Variants in MYO1G observed in about 807,000 individuals in gnomAD.
The protein encoded by MYO1G is myosin IG.
Under a neutral mutation model 115.3 loss-of-function variants are expected in MYO1G, and 65 were observed. That is an observed-to-expected ratio of 0.56 (90% CI 0.46 to 0.69). The LOEUF (loss-of-function observed/expected upper bound fraction) is 0.69. Ranked by LOEUF, MYO1G falls within the 30% of genes least tolerant of loss-of-function variation. The pLI, the probability that MYO1G is intolerant of heterozygous loss-of-function variation, is 0.00. For missense variants in MYO1G, 1,204 were observed against 1,393.5 expected, an observed-to-expected ratio of 0.86 and a Z score of 2.16; for synonymous variants, 510 against 552.6, an observed-to-expected ratio of 0.92 and a Z score of 1.08.
At chr7:44,973,218 C>T (rs1359923511) in intron 5 of MYO1G, 3 of 151,278 alleles carry the variant, frequency 2.0e-5, no homozygotes, top group Non-Finnish European at 4.4e-5. Context: ...CTCAGGGAAG[C>T]TCAGAGTTCT....
In MYO1G at chr7:44,963,504, A is replaced by G; in HGVS notation, c.2746-380T>C. Reference sequence around the variant, plus strand: ...CGCCGGCTTTGGGCTGTGGCATTACACAGCAAGGCACTCACCGCCCTTTCT... The same window carrying G: ...CGCCGGCTTTGGGCTGTGGCATTACGCAGCAAGGCACTCACCGCCCTTTCT... On this transcript the variant is annotated intron_variant, in intron 20 of 21. Transcript: ENST00000258787. This position sits in a 1 kb window ranked among gnomAD's most constrained non-coding sequence, Gnocchi z 4.1. 1 of 235,606 alleles carries G rather than the reference A, an allele frequency of 4.2e-6. No individual in the cohort carries two copies. Among genetic ancestry groups the G allele is most frequent in the Non-Finnish European group, 8.2e-6 (1 of 122,414 alleles). The allele number at this position is 235,606 out of a possible 1,614,324, so 14.6% of individuals were successfully genotyped here.
chr7:44,972,893 T>A (rs1794984960), intron 5 of MYO1G: 1 of 151,890 alleles, frequency 6.6e-6, no homozygotes, highest in African/African-American at 2.4e-5. Flanking sequence ...GGTAAGAGTC[T>A]GTGGAGATCC....
In MYO1G at chr7:44,969,476, G is replaced by C; in HGVS notation, c.1511C>G (p.Pro504Arg). The change falls in exon 12 of 22, where the codon CCC becomes CGC. Residue 504 changes from proline (P) to arginine (R), a missense_variant. Coordinates refer to ENST00000258787, the MANE Select transcript of MYO1G (RefSeq NM_033054.3). This position sits in a 1 kb window ranked among gnomAD's most constrained non-coding sequence, Gnocchi z 5.0. ...GCCAAACTCCATGGTCTTGTCTGTG[G>C]GGCAGAGCTATGGGGACAGGCTGAG... ...HLHYTSRQLC[P>R]TDKTMEFGRD... 6.2e-7 allele frequency: 1 copy of C among 1,613,872 alleles called. No homozygotes were observed. The highest frequency in any genetic ancestry group is 8.5e-7 in the Non-Finnish European group (1 of 1,179,996).
intron 7 of MYO1G, 62 bp downstream of exon 7, chr7:44,971,611 G>T: frequency 8.0e-7 from 1 of 1,247,496 alleles, no homozygotes; most frequent in Non-Finnish European, 1.1e-6. Context: ...ATCCCTGGGT[G>T]CTTCCCAGCC....
intron 1 of MYO1G, 58 bp downstream of exon 1, chr7:44,978,809 G>A (rs1795129719): frequency 5.3e-6 from 8 of 1,519,666 alleles, no homozygotes; most frequent in Non-Finnish European, 7.3e-6. Context: ...GTCTCTGCGA[G>A]GACGCAAGGT....
intron 5 of MYO1G, chr7:44,974,776 G>A (rs1342095015): frequency 4.0e-6 from 1 of 249,970 alleles, no homozygotes; most frequent in Non-Finnish European, 8.1e-6. Flanking sequence ...TCTCACAGAG[G>A]TGCTCAGAGT....
At chr7:44,978,024 T>C (rs1265690261) in intron 1 of MYO1G, among the ~76,000 whole-genome samples, 1 of 152,200 alleles carries the variant, frequency 6.6e-6, no homozygotes, top group Non-Finnish European at 1.5e-5. Flanking sequence ...GGTAGAACAA[T>C]GTGCACAAAG....
intron 13 of MYO1G, 31 bp downstream of exon 13, chr7:44,967,853 C>T (rs775170383): frequency 6.2e-7 from 1 of 1,613,532 alleles, no homozygotes; most frequent in Non-Finnish European, 8.5e-7. Context: ...GGCCCTGGCC[C>T]TCCCTATGGT....
In MYO1G at chr7:44,969,938, C is replaced by T. The variant is rs541401792; in HGVS notation, c.1333-63G>A. 3 of 1,587,032 alleles carry T rather than the reference C, an allele frequency of 1.9e-6. No homozygotes were observed. In the South Asian group the frequency reaches 3.4e-5, roughly 18 times the overall value. Reference sequence around the variant, plus strand: ...CTTTCAGGCCACCTCCCCTCCTCCGCCCCACACTCAGCCACCTGTCAGGCC... The same window carrying T: ...CTTTCAGGCCACCTCCCCTCCTCCGTCCCACACTCAGCCACCTGTCAGGCC... On this transcript the variant is annotated intron_variant, in intron 10 of 21. Coordinates refer to ENST00000258787, the MANE Select transcript of MYO1G (RefSeq NM_033054.3). This position sits in a 1 kb window ranked among gnomAD's most constrained non-coding sequence, Gnocchi z 5.0.
intron 6 of MYO1G, 60 bp from the exon 7 acceptor site, chr7:44,971,849 T>C: frequency 1.5e-6 from 2 of 1,295,524 alleles, no homozygotes; most frequent in Non-Finnish European, 2.2e-6. Flanking sequence ...CCTGTCTCCC[T>C]TGAGGCTTGA....
chr7:44,964,108 G>T lies in MYO1G; in HGVS notation c.2686C>A (p.Leu896Ile). Residue 896 changes from leucine (L) to isoleucine (I), a missense_variant, in exon 20 of 22, where the codon CTC (leucine) becomes ATC (isoleucine). Coordinates refer to ENST00000258787, the MANE Select transcript of MYO1G (RefSeq NM_033054.3). This position sits in a 1 kb window ranked among gnomAD's most constrained non-coding sequence, Gnocchi z 5.1. ...TGCCGGTCAGGGTCCAGCTTGTAGA[G>T]GTGCTGGTCTGTGAGCAGGAGGGCC... ...NRALLLTDQHLYKLDPDRQYR... is the reference protein window; with the variant it reads ...NRALLLTDQHIYKLDPDRQYR... 6.2e-7 allele frequency: 1 copy of T among 1,607,500 alleles called. No homozygotes were observed. The highest frequency in any genetic ancestry group is 8.5e-7 in the Non-Finnish European group (1 of 1,177,154).
intron 3 of MYO1G, 52 bp from the exon 4 acceptor site, chr7:44,975,701 A>ATGCTGGGGAATGTAAGAAG (rs768573462): frequency 4.9e-5 from 74 of 1,506,952 alleles, no homozygotes; most frequent in Non-Finnish European, 6.1e-5. Context: ...CATCTGGGGA[A>ATGCTGGGGAATGTAAGAAG]TGCTGTCTCT....
In MYO1G at chr7:44,969,895, C is replaced by CA. The variant is rs762511081; in HGVS notation, c.1333-21dup. 9.3e-5 allele frequency: 148 copies of CA among 1,593,534 alleles called. No individual in the cohort carries two copies. The highest frequency in any genetic ancestry group is 1.2e-4 in the Admixed American group (7 of 58,896). ...CTCAACCTGGGGCAAAGGCAGCCAG[C>CA]AAGGAAGCTCCCAAGGTCTTTCAGG... On this transcript the variant is annotated intron_variant, in intron 10 of 21. Coordinates refer to ENST00000258787, the MANE Select transcript of MYO1G (RefSeq NM_033054.3). The surrounding 1 kb of genome is among the most constrained non-coding windows in gnomAD (Gnocchi z 5.0).
At chr7:44,967,804 G>T in intron 13 of MYO1G, 67 bp from the exon 14 acceptor site, 2 of 1,611,766 alleles carry the variant, frequency 1.2e-6, no homozygotes, top group Non-Finnish European at 1.7e-6. Context: ...ACGTCCTGAC[G>T]CTAGTCAATG....
Position 44,966,644 on chromosome 7 carries a change from T to A in MYO1G, c.1949+28A>T. 1 of 1,612,552 alleles carries A rather than the reference T, an allele frequency of 6.2e-7. No homozygotes were observed. Among genetic ancestry groups the A allele is most frequent in the Non-Finnish European group, 8.5e-7 (1 of 1,179,830 alleles). On this transcript the variant is annotated intron_variant, in intron 15 of 21. Transcript: ENST00000258787. The surrounding 1 kb of genome is among the most constrained non-coding windows in gnomAD (Gnocchi z 5.0). ...GACTCCACACAGGGACTATGGCCCA[T>A]GGAGTGATGGGTGTCAGGTGCCAGT...
intron 5 of MYO1G, 165 bp downstream of exon 5, chr7:44,975,009 T>A (rs1294729521): frequency 2.7e-6 from 2 of 731,182 alleles, no homozygotes; most frequent in Non-Finnish European, 2.5e-6. Flanking sequence ...TGTGGGGTAC[T>A]GGTTGGGGTG....
At chr7:44,970,464 T>TTGGGCCCAGGGACCA (rs1183978156) in intron 9 of MYO1G, 128 bp downstream of exon 9, 4 of 1,293,028 alleles carry the variant, frequency 3.1e-6, no homozygotes, top group African/African-American at 1.5e-5. Context: ...GGCATGAGCC[T>TTGGGCCCAGGGACCA]TGGGCCCAGG....
chr7:44,975,584 C>T lies in MYO1G; in HGVS notation c.464G>A (p.Arg155His), dbSNP rs764134145. 1.1e-5 allele frequency: 18 copies of T among 1,613,838 alleles called. No individual in the cohort carries two copies. The highest frequency in any genetic ancestry group is 1.3e-5 in the African/African-American group (1 of 74,934). The change falls in exon 4 of 22, where the codon CGC becomes CAC. Residue 155 changes from arginine (R) to histidine (H), a missense_variant. Coordinates refer to ENST00000258787, the MANE Select transcript of MYO1G (RefSeq NM_033054.3). ...LEAFGNARTN[R>H]NHNSSRFGKY... ...GCCAAAGCGGCTGGAGTTGTGATTG[C>T]GGTTGGTGCGGGCATTGCCAAAGGC... is the stretch of plus-strand genomic sequence containing the variant.
intron 9 of MYO1G, 59 bp downstream of exon 9, chr7:44,970,533 A>T (rs1450449533): frequency 6.2e-7 from 1 of 1,604,942 alleles, no homozygotes; most frequent in Admixed American, 1.7e-5. Context: ...GCTTTCCAGA[A>T]CTAAGTGGGC....
Sources: gnomAD v4.1 joint callset for allele counts (sites outside exome capture counted in the v4.1 genomes callset) on GRCh38, gnomAD v4.1.1 for gene constraint, Gnocchi (gnomAD v3.1) non-coding constraint, MANE v1.5 for transcripts, NCBI Gene and HGNC (gene_info 2026-07-23, HGNC 2026-07-21) for gene names.